The following RAD51B variants were observed in gnomAD, a reference collection of about 807,000 sequenced individuals.
RAD51B encodes RAD51 paralog B.
In RAD51B, 38 loss-of-function variants were observed where a neutral mutation model predicts 42.2. That is an observed-to-expected ratio of 0.90 (90% CI 0.70 to 1.18). The LOEUF is 1.18. Ranked by LOEUF, RAD51B falls within the 50% of genes most tolerant of loss-of-function variation. RAD51B has a pLI of 0.00. For synonymous variants in RAD51B, 154 were observed against 145.2 expected, an observed-to-expected ratio of 1.06 and a Z score of -0.43; for missense variants, 373 against 400.7, an observed-to-expected ratio of 0.93 and a Z score of 0.59.
At chr14:68,177,118 C>T (rs761060435) in intron 7 of RAD51B, among the ~76,000 whole-genome samples, 2 of 152,144 alleles carry the variant, frequency 1.3e-5, no homozygotes, top group Non-Finnish European at 2.9e-5. Context: ...AGTTTTTCTT[C>T]CAGATTCAAG....
At chr14:68,432,757 G>A (rs191112036) in intron 9 of RAD51B, among the ~76,000 whole-genome samples, 7 of 152,190 alleles carry the variant, frequency 4.6e-5, no homozygotes, top group South Asian at 2.1e-4. Context: ...TTACATTTAA[G>A]GTTAATATTG....
intron 4 of RAD51B, among the ~76,000 whole-genome samples, chr14:67,840,148 T>C (rs956745767): frequency 1.3e-5 from 2 of 152,154 alleles, no homozygotes; most frequent in Non-Finnish European, 2.9e-5. Flanking sequence ...TTATTTTAGG[T>C]TCAGGGGGTA....
At chr14:68,068,062 G>T (rs2076683545) in intron 7 of RAD51B, among the ~76,000 whole-genome samples, 1 of 151,306 alleles carries the variant, frequency 6.6e-6, no homozygotes, top group Non-Finnish European at 1.5e-5. Context: ...GTAGAGGAAA[G>T]ATATGAGCAG....
intron 1 of RAD51B, chr14:67,822,252 T>C (rs2040656196): frequency 6.6e-6 from 1 of 152,214 alleles, no homozygotes; most frequent in South Asian, 2.1e-4. Context: ...CTCCTTTGTA[T>C]GCATTAAGAG....
intron 5 of RAD51B, among the ~76,000 whole-genome samples, chr14:67,866,092 C>T (rs1183749427): frequency 6.6e-6 from 1 of 152,146 alleles, no homozygotes; most frequent in Non-Finnish European, 1.5e-5. Flanking sequence ...ATGCAATTAG[C>T]AGAATCCAAA....
chr14:67,923,369 G>A lies in RAD51B; in HGVS notation c.756+36165G>A, dbSNP rs543067704. 1.3e-3 allele frequency among the ~76,000 whole-genome samples: 191 copies of A among 144,908 alleles called. 3 individuals are homozygous for A. Among genetic ancestry groups the A allele is most frequent in the Middle Eastern group, 0.011 (3 of 270 alleles). On this transcript the variant is annotated intron_variant, in intron 7 of 10. Transcript: ENST00000471583. ...GGCTGGAATGCAATGGTGCGATCTC[G>A]GCTTACCACAACCTCTGCCTCCCGG...
intron 7 of RAD51B, among the ~76,000 whole-genome samples, chr14:68,237,214 C>A (rs1347089535): frequency 6.6e-6 from 1 of 152,170 alleles, no homozygotes; most frequent in Non-Finnish European, 1.5e-5. Flanking sequence ...CTATTCCCTC[C>A]TGACTCTGGA....
intron 7 of RAD51B, among the ~76,000 whole-genome samples, chr14:68,160,856 A>G (rs1426819994): frequency 2.6e-5 from 4 of 152,228 alleles, no homozygotes; most frequent in Non-Finnish European, 4.4e-5. Context: ...AGAATCTGCA[A>G]GTGCTTTTCA....
rs1491382522 is a variant in RAD51B at position 68,184,624 on chromosome 14, C to CAAA, written c.757-107260_757-107259insAAA. Among the ~76,000 whole-genome samples, 133 of 129,598 alleles carry CAAA rather than the reference C, an allele frequency of 1.0e-3. 1 individual carries two copies. The highest frequency in any genetic ancestry group is 3.8e-3 in the African/African-American group (127 of 33,822). 85.0% of individuals were successfully genotyped at this position (129,598 alleles called of 152,430 possible). On this transcript the variant is annotated intron_variant, in intron 7 of 10. Coordinates refer to ENST00000471583, the MANE Select transcript of RAD51B (RefSeq NM_133510.4). ...GGCCCTGTCTAAAAAAAAAAAAAAA[C>CAAA]CAAAAAAAAAAACAGGAAGAAGAAG...
chr14:68,481,684 C>T (rs1307151070), downstream of RAD51B, among the ~76,000 whole-genome samples: 1 of 152,208 alleles, frequency 6.6e-6, no homozygotes, highest in Non-Finnish European at 1.5e-5. Context: ...TTCAGTTTGT[C>T]ACCAGAAAGG....
intron 7 of RAD51B, among the ~76,000 whole-genome samples, chr14:68,278,173 G>GA (rs2081259770): frequency 6.6e-6 from 1 of 152,106 alleles, no homozygotes; most frequent in Non-Finnish European, 1.5e-5. Context: ...TTTATCTAGA[G>GA]AAAAAAATGT....
intron 11 of RAD51B, among the ~76,000 whole-genome samples, chr14:68,659,894 G>A (rs1416597727): frequency 6.6e-6 from 1 of 152,264 alleles, no homozygotes; most frequent in Non-Finnish European, 1.5e-5. Flanking sequence ...CCTGCAATGG[G>A]CATTAGGGTG....
intron 8 of RAD51B, among the ~76,000 whole-genome samples, chr14:68,338,217 G>A (rs2082497162): frequency 6.6e-6 from 1 of 152,166 alleles, no homozygotes; most frequent in African/African-American, 2.4e-5. Context: ...GACTTCATAA[G>A]AGACCAGAGC....
At chr14:68,596,221 G>T (rs192503214), downstream of RAD51B, among the ~76,000 whole-genome samples, 1 of 152,188 alleles carries the variant, frequency 6.6e-6, no homozygotes, top group East Asian at 1.9e-4. Context: ...GCTTTGGAAA[G>T]GTTTTGTTTC....
intron 7 of RAD51B, among the ~76,000 whole-genome samples, chr14:68,078,533 C>A (rs944924503): frequency 6.6e-6 from 1 of 151,708 alleles, no homozygotes; most frequent in African/African-American, 2.4e-5. Flanking sequence ...AGCAGCTTGT[C>A]TAGGTGCAAT....
intron 8 of RAD51B, among the ~76,000 whole-genome samples, chr14:68,326,987 C>T (rs7150988): frequency 0.49 from 74,023 of 151,898 alleles, 21,255 homozygotes; most frequent in South Asian, 0.65. Context: ...AATCTCCTAC[C>T]GGTGCACCCC....
chr14:68,158,832 T>G (rs770038760), intron 7 of RAD51B, among the ~76,000 whole-genome samples: 1 of 152,222 alleles, frequency 6.6e-6, no homozygotes, highest in African/African-American at 2.4e-5. Context: ...ATACTTTCAT[T>G]GGCCACATAG....
chr14:68,193,003 A>G (rs534053547), intron 7 of RAD51B, among the ~76,000 whole-genome samples: 1 of 152,310 alleles, frequency 6.6e-6, no homozygotes, highest in African/African-American at 2.4e-5. Flanking sequence ...AGACACTCAA[A>G]ATGTTTCCAA....
intron 7 of RAD51B, among the ~76,000 whole-genome samples, chr14:68,182,916 A>G (rs1182384647): frequency 6.6e-6 from 1 of 152,208 alleles, no homozygotes; most frequent in Non-Finnish European, 1.5e-5. Flanking sequence ...GTATAACTTC[A>G]GGTTGATTAC....
Sources: allele counts gnomAD v4.1 joint callset (sites outside exome capture counted in the v4.1 genomes callset), GRCh38; gene constraint gnomAD v4.1.1; transcripts MANE v1.5; gene names NCBI Gene and HGNC (gene_info 2026-07-23, HGNC 2026-07-21).